Variants in AKNAD1 observed in about 807,000 individuals in gnomAD.
AKNAD1 encodes protein AKNAD1.
In AKNAD1, 67 loss-of-function variants were observed where a neutral mutation model predicts 90.8. The observed-to-expected ratio is 0.74, with a 90% CI of 0.61 to 0.90. AKNAD1 has a LOEUF of 0.90. Among genes scored for constraint, AKNAD1 ranks in the 40% least tolerant of loss-of-function variants. The probability of loss-of-function intolerance (pLI) is 0.00; values close to 1 mark genes in which losing one functional copy is unlikely to be tolerated. For missense variants in AKNAD1, 957 were observed against 975.4 expected, an observed-to-expected ratio of 0.98 and a Z score of 0.25; for synonymous variants, 327 against 341.4, an observed-to-expected ratio of 0.96 and a Z score of 0.46.
At chr1:108,824,218 T>C (rs956848815) in intron 11 of AKNAD1, among the ~76,000 whole-genome samples, 3 of 152,196 alleles carry the variant, frequency 2.0e-5, no homozygotes, top group African/African-American at 7.2e-5. Flanking sequence ...GTGTATCTGG[T>C]GCAGGTCTAG....
intron 6 of AKNAD1, among the ~76,000 whole-genome samples, chr1:108,838,329 C>CAAA (rs1342863959): frequency 1.8e-4 from 24 of 136,184 alleles, no homozygotes; most frequent in Non-Finnish European, 2.9e-4. Context: ...GCCCCCCCCC[C>CAAA]AAAAAAAACC....
chr1:108,826,204 T>C (rs1325791849), intron 11 of AKNAD1, among the ~76,000 whole-genome samples: 1 of 151,716 alleles, frequency 6.6e-6, no homozygotes, highest in East Asian at 2.0e-4. Flanking sequence ...AAGTGTGACA[T>C]AACAGAAGGC....
In AKNAD1 at chr1:108,843,216, C is replaced by G; in HGVS notation, c.1297G>C (p.Ala433Pro). 1.9e-6 allele frequency: 3 copies of G among 1,614,180 alleles called. No homozygotes were observed. The highest frequency in any genetic ancestry group is 2.5e-6 in the Non-Finnish European group (3 of 1,180,034). Reference protein sequence around the residue: ...HLELLEQNFLATKDKHLTLQQ... With the variant: ...HLELLEQNFLPTKDKHLTLQQ... ...AAAGTCAGATGCTTGTCCTTGGTGGCCAGAAAGTTCTGCTCCAGCAGTTCA... is the reference window on the plus strand; with the variant it reads ...AAAGTCAGATGCTTGTCCTTGGTGGGCAGAAAGTTCTGCTCCAGCAGTTCA... The change falls in exon 6 of 16, where the codon GCC (alanine) becomes CCC (proline). Residue 433 changes from alanine to proline, a missense_variant. Ala to Pro is a conservative substitution (Grantham distance 27). Transcript: ENST00000370001.
At position 108,839,240 on chromosome 1, in the gene AKNAD1, C is replaced by A. The variant is rs182982213; in HGVS notation, c.1380-1534G>T. On this transcript the variant is annotated intron_variant, in intron 6 of 15. Transcript: ENST00000370001. ...GTAGTTCACGCCTGTAATCCCAGCACTTTGGAAGGCCGAGGTGGGTGGATC... is the reference window on the plus strand; with the variant it reads ...GTAGTTCACGCCTGTAATCCCAGCAATTTGGAAGGCCGAGGTGGGTGGATC... Among the ~76,000 whole-genome samples, 326 of 152,200 alleles carry A rather than the reference C, an allele frequency of 2.1e-3. 5 individuals carry two copies. Among genetic ancestry groups the A allele is most frequent in the Non-Finnish European group, 5.6e-4 (38 of 68,004 alleles).
intron 1 of AKNAD1, among the ~76,000 whole-genome samples, chr1:108,856,498 G>A (rs1311854886): frequency 6.6e-6 from 1 of 152,004 alleles, no homozygotes; most frequent in Non-Finnish European, 1.5e-5. Flanking sequence ...ACAGGAGTTT[G>A]AGAACAGCTT....
chr1:108,830,756 C>T lies in AKNAD1; in HGVS notation c.1747-106G>A, dbSNP rs908292168. On this transcript the variant is annotated intron_variant, in intron 9 of 15. Coordinates refer to ENST00000370001, the MANE Select transcript of AKNAD1 (RefSeq NM_152763.5). ...AGCTGAGGTCCGGCTGAACTTGCCA[C>T]CTCAGGCAGAGAGACTCGCCAAACC... The T allele has an allele frequency of 5.5e-5, 59 of 1,072,802 alleles. No individual in the cohort carries two copies. In the South Asian group the frequency reaches 6.3e-4, roughly 11 times the overall value. The allele number at this position is 1,072,802 out of a possible 1,614,324, so 66.5% of individuals were successfully genotyped here.
rs771546477 is a variant in AKNAD1, at chr1:108,823,407, C to T, written c.2130G>A (p.Gln710=). The T allele has an allele frequency of 1.2e-6, 2 of 1,614,090 alleles. No homozygotes were observed. Among genetic ancestry groups the T allele is most frequent in the East Asian group, 4.5e-5 (2 of 44,890 alleles). ...TTTTACTTTCATCTAAAGAATGGGG[C>T]TGGACAAAGGCACCTCTTTTGCTAT... ...SNHSKRGAFV[Q]PHSLDESKNS... The change falls in exon 13 of 16, where the codon CAG becomes CAA. Residue 710 remains glutamine, a synonymous_variant. Coordinates refer to ENST00000370001, the MANE Select transcript of AKNAD1 (RefSeq NM_152763.5).
chr1:108,849,011 T>C lies in AKNAD1; in HGVS notation c.1083A>G (p.Lys361=). ...SLSKLSPTSQ[K]GTSSSSSYIF... is the part of the protein sequence containing the mutation. The stretch of plus-strand genomic sequence containing the variant: ...TGTAAGAAGAACTTGAGGAAGTGCC[T>C]TTCTGAGAGGTTGGTGACAACTTAG... The change falls in exon 4 of 16, where the codon AAA becomes AAG. Residue 361 remains lysine, a synonymous_variant. Coordinates refer to ENST00000370001, the MANE Select transcript of AKNAD1 (RefSeq NM_152763.5). 1 of 1,610,926 alleles carries C rather than the reference T, an allele frequency of 6.2e-7. No individual in the cohort carries two copies. Among genetic ancestry groups the C allele is most frequent in the Non-Finnish European group, 8.5e-7 (1 of 1,179,246 alleles).
At chr1:108,849,504 A>G in intron 3 of AKNAD1, 33 bp downstream of exon 3, 1 of 1,355,302 alleles carries the variant, frequency 7.4e-7, no homozygotes, top group South Asian at 1.2e-5. Flanking sequence ...AAACATATAT[A>G]TATATCTCAA....
intron 6 of AKNAD1, among the ~76,000 whole-genome samples, chr1:108,838,625 A>C (rs557584111): frequency 1.4e-4 from 21 of 152,280 alleles, no homozygotes; most frequent in Admixed American, 5.2e-4. Flanking sequence ...ATGAGACTTA[A>C]AAGAATTTGA....
At chr1:108,844,398 AC>A (rs1664643754) in intron 5 of AKNAD1, among the ~76,000 whole-genome samples, 1 of 148,914 alleles carries the variant, frequency 6.7e-6, no homozygotes, top group African/African-American at 2.5e-5. Flanking sequence ...ATATATATAT[AC>A]CAAAGCCAGA....
intron 5 of AKNAD1, among the ~76,000 whole-genome samples, chr1:108,845,569 T>C (rs976396660): frequency 3.9e-5 from 6 of 152,224 alleles, no homozygotes; most frequent in South Asian, 4.1e-4. Flanking sequence ...GCCCACACTG[T>C]TGTAAACTAA....
chr1:108,847,416 C>G (rs558281351), intron 5 of AKNAD1, among the ~76,000 whole-genome samples: 1 of 149,510 alleles, frequency 6.7e-6, no homozygotes, highest in Non-Finnish European at 1.5e-5. Context: ...CCACTGCACT[C>G]TAGCATGAGT....
chr1:108,844,715 A>G (rs778579510), intron 5 of AKNAD1, among the ~76,000 whole-genome samples: 3 of 152,194 alleles, frequency 2.0e-5, no homozygotes, highest in Non-Finnish European at 4.4e-5. Context: ...CAGTTTCTAC[A>G]TCTGTAAAAT....
rs1482088900 is a variant in AKNAD1, at chr1:108,823,366, T to G, written c.2167+4A>C. 3 of 1,603,694 alleles carry G rather than the reference T, an allele frequency of 1.9e-6. No individual in the cohort carries two copies. Among genetic ancestry groups the G allele is most frequent in the Non-Finnish European group, 2.6e-6 (3 of 1,170,570 alleles). Reference sequence around the variant, plus strand: ...GGATGGGGTCATGCAGGAGATGTACTTACAGGGTGAAGAGTTTTTACTTTC... The same window carrying G: ...GGATGGGGTCATGCAGGAGATGTACGTACAGGGTGAAGAGTTTTTACTTTC... On this transcript the variant is annotated splice_donor_region_variant and intron_variant, in intron 13 of 15. Coordinates refer to ENST00000370001, the MANE Select transcript of AKNAD1 (RefSeq NM_152763.5).
Position 108,852,543 on chromosome 1 carries a change from A to G in AKNAD1, c.122T>C (p.Leu41Pro), listed in dbSNP as rs761529504. The G allele has an allele frequency of 5.0e-6, 8 of 1,614,042 alleles. No homozygotes were observed. The East Asian group carries it at 1.8e-4, about 36-fold the overall frequency. The change falls in exon 2 of 16, where the codon CTT (leucine) becomes CCT (proline). Residue 41 changes from leucine (L) to proline (P), a missense_variant. Coordinates refer to ENST00000370001, the MANE Select transcript of AKNAD1 (RefSeq NM_152763.5). Reference protein sequence around the residue: ...DYSFTSKKDGLEVLNQIIFIA... With the variant: ...DYSFTSKKDGPEVLNQIIFIA... ...GAAAATAATTTGATTTAAGACTTCA[A>G]GGCCATCCTTTTTTGAGGTAAAACT...
At chr1:108,850,603 G>A (rs537280324) in intron 2 of AKNAD1, among the ~76,000 whole-genome samples, 1 of 151,564 alleles carries the variant, frequency 6.6e-6, no homozygotes, top group East Asian at 1.9e-4. Flanking sequence ...TGAAAGAGAG[G>A]GGAGCTGAAG....
chr1:108,843,337 A>G lies in AKNAD1; in HGVS notation c.1246-70T>C, dbSNP rs1008766723. On this transcript the variant is annotated intron_variant, in intron 5 of 15. Coordinates refer to ENST00000370001, the MANE Select transcript of AKNAD1 (RefSeq NM_152763.5). ...TGTGTAATTGTTTTCCCAAAAACAC[A>G]AAGCAGGTGTACCCTACAGTAGTGT... 3 of 1,577,158 alleles carry G rather than the reference A, an allele frequency of 1.9e-6. No homozygotes were observed. The African/African-American group carries it at 4.0e-5, about 21-fold the overall frequency.
intron 15 of AKNAD1, 71 bp downstream of exon 15, chr1:108,816,977 G>A: frequency 6.4e-7 from 1 of 1,563,348 alleles, no homozygotes; most frequent in Non-Finnish European, 8.7e-7. Flanking sequence ...CTTAAGAGCT[G>A]CCAGTTCTGT....
Sources: gnomAD v4.1 joint callset for allele counts (sites outside exome capture counted in the v4.1 genomes callset) on GRCh38, gnomAD v4.1.1 for gene constraint, MANE v1.5 for transcripts, NCBI Gene and HGNC (gene_info 2026-07-23, HGNC 2026-07-21) for gene names.